The following CELF2 variants were observed in gnomAD, a reference collection of about 807,000 sequenced individuals.
The protein encoded by CELF2 is CUGBP Elav-like family member 2.
In CELF2, 8 loss-of-function variants were observed where a neutral mutation model predicts 62.6. The ratio of observed to expected loss-of-function variants is 0.13; its 90% CI spans 0.07 to 0.23. The LOEUF is 0.23. Among genes scored for constraint, CELF2 ranks in the 10% least tolerant of loss-of-function variants. CELF2 has a pLI of 1.00. For synonymous variants in CELF2, 258 were observed against 250.0 expected (o/e 1.03, Z -0.30); for missense variants, 333 against 671.0 (o/e 0.50, Z 5.56).
chr10:10,988,591 CAAATCTCAG>C (rs2053085550), intron 2 of CELF2, among the ~76,000 whole-genome samples: 1 of 151,786 alleles, frequency 6.6e-6, no homozygotes, highest in South Asian at 2.1e-4. Context: ...TGAGTGCACT[CAAATCTCAG>C]AAATCATCAC....
At chr10:11,070,154 T>A (rs1443723047) in intron 1 of CELF2, among the ~76,000 whole-genome samples, 1 of 152,202 alleles carries the variant, frequency 6.6e-6, no homozygotes, top group Non-Finnish European at 1.5e-5. Flanking sequence ...CCATTGGTGA[T>A]GACCCTTTTT....
At chr10:11,236,803 TGTGTACGTGCATG>T (rs2071503475) in intron 3 of CELF2, among the ~76,000 whole-genome samples, 6 of 152,130 alleles carry the variant, frequency 3.9e-5, no homozygotes, top group Admixed American at 1.3e-4. Flanking sequence ...AGGAAATACG[TGTGTACGTGCATG>T]AGAAGGGTCA....
rs1463855957 is a variant in CELF2 at position 11,157,103 on chromosome 10, G to A, written c.75-8383G>A. 6.6e-6 allele frequency among the ~76,000 whole-genome samples: 1 copy of A among 152,096 alleles called. No individual in the cohort carries two copies. Among genetic ancestry groups the A allele is most frequent in the Non-Finnish European group, 1.5e-5 (1 of 68,008 alleles). On this transcript the variant is annotated intron_variant, in intron 1 of 12. Transcript: ENST00000633077. The surrounding 1 kb of genome is among the most constrained non-coding windows in gnomAD (Gnocchi z 4.9). Reference sequence around the variant, plus strand: ...GGTCCTTTGCGGAACAGGCTCCAGGGGGTGGCATTTCAAGAGCAGGTTGGG... The same window carrying A: ...GGTCCTTTGCGGAACAGGCTCCAGGAGGTGGCATTTCAAGAGCAGGTTGGG...
chr10:10,555,661 A>G, the CELF2 span, among the ~76,000 whole-genome samples: 3 of 152,184 alleles, frequency 2.0e-5, no homozygotes, highest in Non-Finnish European at 4.4e-5. Context: ...CATACCCTGT[A>G]CCATTTAGGA....
At chr10:11,210,190 T>C (rs78842963) in intron 2 of CELF2, among the ~76,000 whole-genome samples, 1,748 of 152,306 alleles carry the variant, frequency 0.011, 23 homozygotes, top group Middle Eastern at 0.024. Context: ...GCTATTGCTT[T>C]GTTGTTTAAT....
intron 5 of CELF2, among the ~76,000 whole-genome samples, chr10:11,258,897 G>A (rs1014266819): frequency 1.3e-5 from 2 of 152,144 alleles, no homozygotes; most frequent in Non-Finnish European, 2.9e-5. Flanking sequence ...CGTTGGCCAC[G>A]ATGGTCTCCA....
the CELF2 span, among the ~76,000 whole-genome samples, chr10:10,787,387 C>A: frequency 1.3e-5 from 2 of 152,040 alleles, no homozygotes; most frequent in Admixed American, 6.6e-5. Flanking sequence ...TCATTTAATA[C>A]TTTTAAAAAC....
chr10:10,973,679 G>A (rs1037131345), intron 2 of CELF2, among the ~76,000 whole-genome samples: 18 of 152,222 alleles, frequency 1.2e-4, no homozygotes, highest in East Asian at 1.9e-4. Flanking sequence ...CCATCCTCCC[G>A]CCTCAGCCTC....
At chr10:10,761,392 T>G in the CELF2 span, among the ~76,000 whole-genome samples, 6 of 152,304 alleles carry the variant, frequency 3.9e-5, no homozygotes, top group South Asian at 1.2e-3. Context: ...TAGACATGGT[T>G]GAGTAGGTTG....
intron 1 of CELF2, among the ~76,000 whole-genome samples, chr10:10,802,247 G>A (rs185709252): frequency 1.7e-4 from 26 of 152,202 alleles, no homozygotes; most frequent in Admixed American, 5.9e-4. Context: ...CGAGGCAGGC[G>A]GATCATGAGG....
the CELF2 span, among the ~76,000 whole-genome samples, chr10:10,663,980 A>G: frequency 1.4e-4 from 22 of 152,224 alleles, no homozygotes; most frequent in African/African-American, 5.1e-4. Context: ...GCTAGAGCTT[A>G]TCTTCAAGAA....
chr10:10,640,989 A>C, the CELF2 span, among the ~76,000 whole-genome samples: 2 of 152,166 alleles, frequency 1.3e-5, no homozygotes, highest in Non-Finnish European at 2.9e-5. Flanking sequence ...TGACATGAGT[A>C]TGATAAACCG....
intron 3 of CELF2, among the ~76,000 whole-genome samples, chr10:11,226,600 C>CCACACAAACACACACACA (rs1298908039): frequency 0.014 from 355 of 25,944 alleles, 3 homozygotes; most frequent in African/African-American, 0.02. Flanking sequence ...CAGGCAGTGG[C>CCACACAAACACACACACA]CACACACACA....
the CELF2 span, among the ~76,000 whole-genome samples, chr10:10,631,786 T>TA: frequency 6.6e-6 from 1 of 152,238 alleles, no homozygotes; most frequent in East Asian, 1.9e-4. Flanking sequence ...AATAAGGTTC[T>TA]AAAAAATGTA....
chr10:11,108,041 T>G (rs1228864212), intron 1 of CELF2, among the ~76,000 whole-genome samples: 1 of 31,764 alleles, frequency 3.1e-5, no homozygotes, highest in African/African-American at 1.5e-4. Context: ...CTCCCTCTCC[T>G]CACTGTCTAC....
chr10:10,547,692 A>AGAGAGTGTGTGT, the CELF2 span, among the ~76,000 whole-genome samples: 48 of 138,108 alleles, frequency 3.5e-4, no homozygotes, highest in Non-Finnish European at 3.9e-4. Flanking sequence ...AGAGAGAGAG[A>AGAGAGTGTGTGT]GTGTGTGTGT....
the CELF2 span, among the ~76,000 whole-genome samples, chr10:10,509,796 C>T: frequency 6.6e-6 from 1 of 152,216 alleles, no homozygotes; most frequent in South Asian, 2.1e-4. Flanking sequence ...AAAGGGACCA[C>T]TGTAGTCGCT....
chr10:10,610,652 G>A, the CELF2 span, among the ~76,000 whole-genome samples: 1 of 152,154 alleles, frequency 6.6e-6, no homozygotes, highest in African/African-American at 2.4e-5. Context: ...TTCAACTGCA[G>A]TTAACTCACA....
chr10:10,695,084 G>A, the CELF2 span, among the ~76,000 whole-genome samples: 103 of 149,500 alleles, frequency 6.9e-4, no homozygotes, highest in East Asian at 0.015. Flanking sequence ...TTTAGTTGAT[G>A]CAGTTTCTTC....
Sources: gnomAD v4.1 joint callset for allele counts (sites outside exome capture counted in the v4.1 genomes callset) on GRCh38, gnomAD v4.1.1 for gene constraint, Gnocchi (gnomAD v3.1) non-coding constraint, MANE v1.5 for transcripts, NCBI Gene and HGNC (gene_info 2026-07-23, HGNC 2026-07-21) for gene names.